ETFDH: variants seen among roughly 807,000 people sequenced by gnomAD.
The protein encoded by ETFDH is electron transfer flavoprotein dehydrogenase.
Under a neutral mutation model 73.2 loss-of-function variants are expected in ETFDH, and 61 were observed. That is an observed-to-expected ratio of 0.83 (90% CI 0.68 to 1.03). The LOEUF is 1.03. Among genes scored for constraint, ETFDH ranks in the 50% least tolerant of loss-of-function variants. The probability of loss-of-function intolerance (pLI) is 0.00; values close to 1 mark genes in which losing one functional copy is unlikely to be tolerated. For missense variants in ETFDH, 685 were observed against 745.0 expected (o/e 0.92, Z 0.94); for synonymous variants, 243 against 253.3 (o/e 0.96, Z 0.39).
chr4:158,706,990 A>G, intron 12 of ETFDH, 140 bp downstream of exon 12: 1 of 644,760 alleles, frequency 1.6e-6, no homozygotes, highest in Non-Finnish European at 2.7e-6. Context: ...TTTAGGAAAC[A>G]TACTTTTAAC....
At chr4:158,676,506 A>C (rs572411011) in intron 1 of ETFDH, among the ~76,000 whole-genome samples, 1 of 152,352 alleles carries the variant, frequency 6.6e-6, no homozygotes, top group South Asian at 2.1e-4. Context: ...CTGCAAAGAC[A>C]GTCTGGTCCC....
chr4:158,703,390 T>G, intron 9 of ETFDH, 33 bp from the exon 10 acceptor site: 1 of 1,493,234 alleles, frequency 6.7e-7, no homozygotes, highest in Non-Finnish European at 9.3e-7. Context: ...TAATATGAAC[T>G]AACAAATGTA....
At chr4:158,706,427 TGTTA>T (rs1166324987) in intron 11 of ETFDH, 56 bp downstream of exon 11, 9 of 1,364,264 alleles carry the variant, frequency 6.6e-6, no homozygotes, top group Middle Eastern at 1.8e-4. Context: ...GAATGGGATC[TGTTA>T]ATTAGAGAAA....
chr4:158,680,007 A>G (rs1773803390), intron 1 of ETFDH: 1 of 142,226 alleles, frequency 7.0e-6, no homozygotes, highest in Admixed American at 7.8e-5. Flanking sequence ...ATCGCTTGAA[A>G]CCAGGAGGCA....
intron 5 of ETFDH, among the ~76,000 whole-genome samples, chr4:158,685,453 T>G (rs1773980806): frequency 6.6e-6 from 1 of 152,154 alleles, no homozygotes; most frequent in African/African-American, 2.4e-5. Context: ...GGATGAAAAA[T>G]TGTAGATTGT....
Position 158,672,413 on chromosome 4 carries a change from A to T in ETFDH, c.-44A>T, listed in dbSNP as rs1407575692. The T allele has an allele frequency of 1.2e-6, 2 of 1,611,510 alleles. No individual in the cohort carries two copies. Among genetic ancestry groups the T allele is most frequent in the African/African-American group, 2.7e-5 (2 of 75,020 alleles). ...CCAGCGCCCGCCGCGAGCAGCGGAC[A>T]GTCCTCCTGTTGTGTCCGACCGAGA... On this transcript the variant is annotated 5_prime_UTR_variant, in exon 1 of 13. Transcript: ENST00000511912.
intron 5 of ETFDH, among the ~76,000 whole-genome samples, chr4:158,687,331 C>CCAGACAGACGATTAAGAGA (rs1350884075): frequency 6.6e-6 from 1 of 152,040 alleles, no homozygotes; most frequent in African/African-American, 2.4e-5. Context: ...GGACAGTTGG[C>CCAGACAGACGATTAAGAGA]CAGGGAAGGT....
intron 12 of ETFDH, among the ~76,000 whole-genome samples, chr4:158,707,450 C>T (rs1000142991): frequency 1.3e-5 from 2 of 152,118 alleles, no homozygotes; most frequent in Admixed American, 6.6e-5. Context: ...TTAGCTGTAC[C>T]GTTAGGCTCC....
At chr4:158,673,669 T>C (rs1158794406) in intron 1 of ETFDH, among the ~76,000 whole-genome samples, 2 of 152,244 alleles carry the variant, frequency 1.3e-5, no homozygotes, top group African/African-American at 4.8e-5. Context: ...CTGCACTTAA[T>C]GTATGGATAA....
chr4:158,699,148 T>C lies in ETFDH; in HGVS notation c.1116+18T>C. On this transcript the variant is annotated intron_variant, in intron 9 of 12. Coordinates refer to ENST00000511912, the MANE Select transcript of ETFDH (RefSeq NM_004453.4). ...GCTTTCAGGTAACTCTTCCAACTTT[T>C]ATTTTCCTTGTTTCTGTATTATAAA... The C allele has an allele frequency of 2.5e-6, 4 of 1,600,546 alleles. No homozygotes were observed. The highest frequency in any genetic ancestry group is 3.4e-6 in the Non-Finnish European group (4 of 1,167,766).
chr4:158,694,290 G>A (rs112362242), intron 6 of ETFDH, among the ~76,000 whole-genome samples: 1,873 of 152,190 alleles, frequency 0.012, 20 homozygotes, highest in Middle Eastern at 0.031. Flanking sequence ...TCAGGGAAAT[G>A]CAAATTAAAA....
chr4:158,688,220 CCT>C (rs1469601012), intron 5 of ETFDH, among the ~76,000 whole-genome samples: 1 of 147,776 alleles, frequency 6.8e-6, no homozygotes, highest in Non-Finnish European at 1.5e-5. Flanking sequence ...GGTGAAACCC[CCT>C]CTCTACTAAA....
intron 1 of ETFDH, among the ~76,000 whole-genome samples, chr4:158,675,085 TATAC>T: frequency 6.6e-6 from 1 of 152,220 alleles, no homozygotes; most frequent in Admixed American, 6.5e-5. Context: ...TCATACAATA[TATAC>T]TATTTAAAAT....
chr4:158,707,988 T>G (rs1192774154), intron 12 of ETFDH, among the ~76,000 whole-genome samples: 1 of 152,200 alleles, frequency 6.6e-6, no homozygotes, highest in Non-Finnish European at 1.5e-5. Context: ...AAACGTGTTC[T>G]GACTGACAAT....
intron 2 of ETFDH, among the ~76,000 whole-genome samples, chr4:158,680,874 T>C (rs1273252877): frequency 6.6e-6 from 1 of 152,176 alleles, no homozygotes; most frequent in African/African-American, 2.4e-5. Context: ...GCTCAACACA[T>C]TACTCAATTA....
Position 158,672,431 on chromosome 4 carries a change from G to C in ETFDH, c.-26G>C. The C allele has an allele frequency of 6.2e-7, 1 of 1,613,944 alleles. No homozygotes were observed. The highest frequency in any genetic ancestry group is 8.5e-7 in the Non-Finnish European group (1 of 1,179,876). On this transcript the variant is annotated 5_prime_UTR_variant, in exon 1 of 13. Coordinates refer to ENST00000511912, the MANE Select transcript of ETFDH (RefSeq NM_004453.4). ...AGCGGACAGTCCTCCTGTTGTGTCC[G>C]ACCGAGAGTCCTGGTGACTTTGAAC... is the stretch of plus-strand genomic sequence containing the variant.
chr4:158,705,807 G>A (rs1774594055), intron 10 of ETFDH, among the ~76,000 whole-genome samples: 1 of 152,184 alleles, frequency 6.6e-6, no homozygotes, highest in African/African-American at 2.4e-5. Context: ...TCAGCCAGGT[G>A]CGGTGGCTCA....
intron 6 of ETFDH, among the ~76,000 whole-genome samples, chr4:158,692,457 G>C (rs1417852798): frequency 2.0e-5 from 3 of 149,718 alleles, no homozygotes; most frequent in African/African-American, 7.4e-5. Context: ...GACTCCTAGT[G>C]GTTTAACTGA....
At chr4:158,672,999 T>C (rs1397475475) in intron 1 of ETFDH, among the ~76,000 whole-genome samples, 1 of 152,214 alleles carries the variant, frequency 6.6e-6, no homozygotes, top group African/African-American at 2.4e-5. Flanking sequence ...GGAGCCAGTT[T>C]TTCTGCGTTG....
Sources: allele counts gnomAD v4.1 joint callset (sites outside exome capture counted in the v4.1 genomes callset), GRCh38; gene constraint gnomAD v4.1.1; transcripts MANE v1.5; gene names NCBI Gene and HGNC (gene_info 2026-07-23, HGNC 2026-07-21).